BICD1: variants seen among roughly 807,000 people sequenced by gnomAD.
The protein encoded by BICD1 is protein bicaudal D homolog 1.
BICD1 carries 35 observed loss-of-function variants against 92.5 expected under a neutral mutation model. The ratio of observed to expected loss-of-function variants is 0.38; its 90% CI spans 0.29 to 0.50. The LOEUF is 0.50. BICD1 is among the 20% of genes least tolerant of loss of function. The pLI is 0.93. For missense variants in BICD1, 950 were observed against 1,189.8 expected (o/e 0.80, Z 2.97); for synonymous variants, 429 against 465.1 (o/e 0.92, Z 1.00).
intron 2 of BICD1, among the ~76,000 whole-genome samples, chr12:32,273,397 A>G (rs962591494): frequency 1.2e-4 from 18 of 152,234 alleles, no homozygotes; most frequent in African/African-American, 3.9e-4. Context: ...AGCAAGTACC[A>G]GCAGACACAG....
chr12:32,308,314 T>A (rs1948285384), intron 4 of BICD1, among the ~76,000 whole-genome samples: 1 of 152,190 alleles, frequency 6.6e-6, no homozygotes, highest in Non-Finnish European at 1.5e-5. Flanking sequence ...GTTGAAGTGA[T>A]GACCAGAAAC....
At chr12:32,113,813 G>A (rs937724911) in intron 1 of BICD1, among the ~76,000 whole-genome samples, 3 of 150,980 alleles carry the variant, frequency 2.0e-5, no homozygotes, top group African/African-American at 4.9e-5. Flanking sequence ...AGGTTCAAGC[G>A]ATTCTCCTGC....
intron 1 of BICD1, among the ~76,000 whole-genome samples, chr12:32,170,180 A>G (rs1332063043): frequency 1.3e-5 from 2 of 152,208 alleles, no homozygotes; most frequent in Non-Finnish European, 2.9e-5. Flanking sequence ...TTCTGAGCTC[A>G]GTTTCATGCT....
intron 1 of BICD1, among the ~76,000 whole-genome samples, chr12:32,129,522 C>T (rs1942460801): frequency 1.6e-5 from 1 of 61,220 alleles, no homozygotes; most frequent in Non-Finnish European, 3.2e-5. Flanking sequence ...GAGATTCCAT[C>T]TCAAAAAAAA....
At chr12:32,238,802 C>T (rs1426184300) in intron 2 of BICD1, among the ~76,000 whole-genome samples, 3 of 151,130 alleles carry the variant, frequency 2.0e-5, no homozygotes, top group African/African-American at 4.9e-5. Context: ...AAAAATTAGC[C>T]GGGCATGGTG....
intron 1 of BICD1, among the ~76,000 whole-genome samples, chr12:32,206,880 C>T (rs1001980089): frequency 7.2e-5 from 11 of 152,144 alleles, no homozygotes; most frequent in South Asian, 6.2e-4. Flanking sequence ...AATGAATAAA[C>T]GGAATTTAAA....
chr12:32,234,243 A>G (rs1245676825), intron 2 of BICD1, among the ~76,000 whole-genome samples: 1 of 152,224 alleles, frequency 6.6e-6, no homozygotes, highest in African/African-American at 2.4e-5. Context: ...GGAACATTAA[A>G]AGTACTTTTT....
In BICD1 at chr12:32,205,308, C is replaced by T. The variant is rs1945017263; in HGVS notation, c.214-10939C>T. Among the ~76,000 whole-genome samples the T allele has an allele frequency of 2.6e-5, 4 of 152,108 alleles. No homozygotes were observed. The South Asian group carries it at 8.3e-4, about 32-fold the overall frequency. On this transcript the variant is annotated intron_variant, in intron 1 of 9. Transcript: ENST00000652176. ...GGAATCTCTTTCCCAAATTAGTTAA[C>T]TCAGAATGGAGATGGAATCTCTATG...
At chr12:32,324,620 G>C (rs1406651943) in intron 4 of BICD1, among the ~76,000 whole-genome samples, 2 of 151,852 alleles carry the variant, frequency 1.3e-5, no homozygotes, top group East Asian at 3.9e-4. Flanking sequence ...CTGTCGCCCA[G>C]GCTGGAGTGC....
At chr12:32,207,890 A>G (rs1258697521) in intron 1 of BICD1, among the ~76,000 whole-genome samples, 1 of 152,160 alleles carries the variant, frequency 6.6e-6, no homozygotes, top group Non-Finnish European at 1.5e-5. Context: ...ATGAGTAGGG[A>G]GCTGCTCTCA....
intron 4 of BICD1, among the ~76,000 whole-genome samples, chr12:32,323,776 G>A (rs1275665861): frequency 6.6e-6 from 1 of 152,104 alleles, no homozygotes; most frequent in East Asian, 1.9e-4. Context: ...AGTAGTCTGG[G>A]ACAGTAAAAA....
In BICD1 at chr12:32,306,229, TTCTTTTCTTC is replaced by T. The variant is rs1948212946; in HGVS notation, c.1005+117_1005+126del. The T allele has an allele frequency of 2.5e-5, 29 of 1,151,220 alleles. No individual in the cohort carries two copies. In the South Asian group the frequency reaches 4.4e-4, roughly 18 times the overall value. The allele number at this position is 1,151,220 out of a possible 1,614,324, so 71.3% of individuals were successfully genotyped here. A position where few individuals can be genotyped will look rare whatever the true frequency, so the allele number is the denominator to read the frequency against. The stretch of plus-strand genomic sequence containing the variant: ...TTCACTTCTAGATTTCTTTTCTTTT[TTCTTTTCTTC>T]TCTTTTCTTTTCTGTTCTTTTCGAG... On this transcript the variant is annotated intron_variant, in intron 4 of 9. Coordinates refer to ENST00000652176, the MANE Select transcript of BICD1 (RefSeq NM_001714.4).
intron 2 of BICD1, among the ~76,000 whole-genome samples, chr12:32,247,939 G>A (rs112014635): frequency 2.0e-5 from 3 of 151,802 alleles, no homozygotes; most frequent in South Asian, 2.1e-4. Flanking sequence ...ACAAAAATTA[G>A]CCACGTGGTG....
At chr12:32,375,418 T>C (rs1341824177) in intron 9 of BICD1, among the ~76,000 whole-genome samples, 2 of 152,070 alleles carry the variant, frequency 1.3e-5, no homozygotes, top group Non-Finnish European at 2.9e-5. Context: ...TAATCCCAGC[T>C]ACTCGGGAGG....
chr12:32,288,223 A>ATT lies in BICD1; in HGVS notation c.427-5748_427-5747dup, dbSNP rs34913740. ...CTTACCTGTCACCTACCAAGTCCTA[A>ATT]TTTTTTTTTTTTTTTTTTTTTTTTC... On this transcript the variant is annotated intron_variant, in intron 2 of 9. Coordinates refer to ENST00000652176, the MANE Select transcript of BICD1 (RefSeq NM_001714.4). Among the ~76,000 whole-genome samples the ATT allele has an allele frequency of 2.7e-3, 292 of 109,498 alleles. 8 individuals carry two copies. The highest frequency in any genetic ancestry group is 8.5e-3 in the African/African-American group (231 of 27,198). 71.8% of individuals were successfully genotyped at this position (109,498 alleles called of 152,430 possible). A position where few individuals can be genotyped will look rare whatever the true frequency, so the allele number is the denominator to read the frequency against.
At position 32,305,864 on chromosome 12, in the gene BICD1, G is replaced by A. The variant is rs202169780; in HGVS notation, c.747G>A (p.Arg249=). ...KNEREQKNNL[R]KELSQYISLN... Reference sequence around the variant, plus strand: ...AAAGAGAGCAAAAGAACAACCTGCGGAAGGAGCTCTCCCAGTATATCAGCC... The same window carrying A: ...AAAGAGAGCAAAAGAACAACCTGCGAAAGGAGCTCTCCCAGTATATCAGCC... The change falls in exon 4 of 10, where the codon CGG becomes CGA. Residue 249 remains arginine, a synonymous_variant. Coordinates refer to ENST00000652176, the MANE Select transcript of BICD1 (RefSeq NM_001714.4). The A allele has an allele frequency of 5.6e-6, 9 of 1,614,184 alleles. No homozygotes were observed. In the Admixed American group the frequency reaches 8.3e-5, roughly 15 times the overall value.
intron 5 of BICD1, among the ~76,000 whole-genome samples, chr12:32,330,001 A>G (rs563563596): frequency 2.6e-5 from 4 of 152,200 alleles, no homozygotes; most frequent in Non-Finnish European, 5.9e-5. Context: ...GTGCCAGTGA[A>G]TAGTAGGTCA....
At chr12:32,142,453 C>CCTATCTATCTATCCTATCTATCTATCTAT (rs772125865) in intron 1 of BICD1, among the ~76,000 whole-genome samples, 11,480 of 112,698 alleles carry the variant, frequency 0.1, 628 homozygotes, top group Admixed American at 0.18. Flanking sequence ...ACCTATCTAT[C>CCTATCTATCTATCCTATCTATCTATCTAT]CTATCTATCT....
chr12:32,336,279 T>C (rs2096683536), intron 6 of BICD1, among the ~76,000 whole-genome samples: 3 of 152,206 alleles, frequency 2.0e-5, no homozygotes. Flanking sequence ...ACGCCACCTC[T>C]ACCTTCCAAA....
Sources: gnomAD v4.1 joint callset for allele counts (sites outside exome capture counted in the v4.1 genomes callset) on GRCh38, gnomAD v4.1.1 for gene constraint, MANE v1.5 for transcripts, NCBI Gene and HGNC (gene_info 2026-07-23, HGNC 2026-07-21) for gene names.